Variants in DIAPH2 observed in about 807,000 individuals in gnomAD.
DIAPH2 encodes protein diaphanous homolog 2.
In DIAPH2, 35 loss-of-function variants were observed where a neutral mutation model predicts 92.7. The observed-to-expected ratio is 0.38, with a 90% CI of 0.29 to 0.50. DIAPH2 has a LOEUF of 0.50. Among genes scored for constraint, DIAPH2 ranks in the 20% least tolerant of loss-of-function variants. The probability of loss-of-function intolerance (pLI) is 0.94; values close to 1 mark genes in which losing one functional copy is unlikely to be tolerated. For missense variants in DIAPH2, 701 were observed against 819.5 expected (o/e 0.86, Z 1.77); for synonymous variants, 301 against 280.4 (o/e 1.07, Z -0.73).
At chrX:97,159,813 A>G (rs376672303) in intron 22 of DIAPH2, among the ~76,000 whole-genome samples, 1 of 112,206 alleles carries the variant, frequency 8.9e-6, no homozygotes, top group South Asian at 3.7e-4. Context: ...AGTAAAGAAT[A>G]AAATAAATTA....
At chrX:97,221,314 G>A (rs766592767) in intron 22 of DIAPH2, among the ~76,000 whole-genome samples, 86 of 111,880 alleles carry the variant, frequency 7.7e-4, no homozygotes, top group Non-Finnish European at 1.0e-3. Flanking sequence ...AAGCAAAAAC[G>A]TATTGTGTTA....
At chrX:96,699,640 A>G (rs572939374) in intron 1 of DIAPH2, among the ~76,000 whole-genome samples, 2 of 112,166 alleles carry the variant, frequency 1.8e-5, no homozygotes, top group South Asian at 7.5e-4. Context: ...AACTTTTTGT[A>G]TATTTAGTGT....
chrX:97,596,536 A>C (rs769221875), intron 26 of DIAPH2, among the ~76,000 whole-genome samples: 9 of 111,927 alleles, frequency 8.0e-5, no homozygotes, highest in Non-Finnish European at 1.7e-4. Context: ...TAGAAAAGTG[A>C]ATTGGATTCA....
rs1389702281 is a variant in DIAPH2 at position 97,396,450 on chromosome X, TC to T, written c.3145+12407del. Reference sequence around the variant, plus strand: ...ACTTTGGGAGGCTGAGGCGGGCAGATCATCTGAGGTCAGGAGTTCGAGACCA... The same window carrying T: ...ACTTTGGGAGGCTGAGGCGGGCAGATATCTGAGGTCAGGAGTTCGAGACCA... On this transcript the variant is annotated intron_variant, in intron 25 of 26. Coordinates refer to ENST00000324765, the MANE Select transcript of DIAPH2 (RefSeq NM_006729.5). Among the ~76,000 whole-genome samples, 119 of 110,494 alleles carry T rather than the reference TC, an allele frequency of 1.1e-3. 1 individual carries two copies. Among genetic ancestry groups the T allele is most frequent in the African/African-American group, 3.1e-3 (95 of 30,358 alleles).
At chrX:96,734,878 T>C in intron 1 of DIAPH2, among the ~76,000 whole-genome samples, 1 of 110,682 alleles carries the variant, frequency 9.0e-6, no homozygotes, top group East Asian at 2.8e-4. Flanking sequence ...CATGACCAAG[T>C]TGATATACAT....
intron 4 of DIAPH2, among the ~76,000 whole-genome samples, chrX:96,806,996 C>T (rs2064633175): frequency 1.8e-5 from 2 of 112,053 alleles, no homozygotes; most frequent in Admixed American, 9.4e-5. Context: ...CCCGCCTCAG[C>T]CTCCTGAAGT....
intron 5 of DIAPH2, among the ~76,000 whole-genome samples, chrX:96,886,184 CTT>C (rs2065260641): frequency 1.8e-5 from 2 of 109,666 alleles, no homozygotes; most frequent in Non-Finnish European, 3.8e-5. Flanking sequence ...TTATGTGAGA[CTT>C]TTAAATAATT....
At chrX:96,775,389 G>A (rs944340102) in intron 4 of DIAPH2, among the ~76,000 whole-genome samples, 2 of 103,247 alleles carry the variant, frequency 1.9e-5, no homozygotes, top group African/African-American at 3.4e-5. Context: ...GTGTGTGTGT[G>A]TGTATACTTC....
intron 22 of DIAPH2, among the ~76,000 whole-genome samples, chrX:97,211,446 G>A (rs2067839702): frequency 9.0e-6 from 1 of 111,516 alleles, no homozygotes; most frequent in African/African-American, 3.3e-5. Flanking sequence ...GGTATAGGCG[G>A]GAGGTGGAGA....
intron 4 of DIAPH2, among the ~76,000 whole-genome samples, chrX:96,866,215 A>G (rs1388634027): frequency 9.0e-6 from 1 of 111,658 alleles, no homozygotes; most frequent in Admixed American, 9.6e-5. Context: ...GAATGTTCAT[A>G]TTCCTCTCAA....
chrX:96,892,318 G>A (rs761090419), intron 5 of DIAPH2, among the ~76,000 whole-genome samples: 2 of 111,719 alleles, frequency 1.8e-5, no homozygotes, highest in East Asian at 2.8e-4. Context: ...CATTATGTGC[G>A]GTATTACTAA....
intron 26 of DIAPH2, among the ~76,000 whole-genome samples, chrX:97,524,076 T>G (rs1237694712): frequency 9.0e-6 from 1 of 111,600 alleles, no homozygotes; most frequent in Non-Finnish European, 1.9e-5. Context: ...TTACCATACT[T>G]TGTTTTCTGA....
chrX:97,302,230 A>AG, intron 23 of DIAPH2, among the ~76,000 whole-genome samples: 1 of 97,741 alleles, frequency 1.0e-5, no homozygotes, highest in South Asian at 5.3e-4. Flanking sequence ...AAAAAAAAAA[A>AG]AAAGTATTGG....
chrX:97,391,415 C>G (rs1025836121), intron 25 of DIAPH2, among the ~76,000 whole-genome samples: 64 of 111,238 alleles, frequency 5.8e-4, no homozygotes, highest in Admixed American at 5.7e-4. Context: ...TCTTCTCTTC[C>G]ACCGAAAGAG....
At chrX:96,924,214 G>C (rs919288272) in intron 9 of DIAPH2, among the ~76,000 whole-genome samples, 1 of 111,974 alleles carries the variant, frequency 8.9e-6, no homozygotes, top group African/African-American at 3.2e-5. Flanking sequence ...CATTTATAAA[G>C]TGTTGAATGA....
At chrX:97,359,594 T>TA (rs1184814840) in intron 24 of DIAPH2, among the ~76,000 whole-genome samples, 1 of 97,943 alleles carries the variant, frequency 1.0e-5, no homozygotes, top group Non-Finnish European at 2.1e-5. Context: ...TTTTTTTTTT[T>TA]ATGATACAGA....
chrX:97,595,110 T>G (rs1353603699), intron 26 of DIAPH2, among the ~76,000 whole-genome samples: 1 of 112,262 alleles, frequency 8.9e-6, no homozygotes, highest in Non-Finnish European at 1.9e-5. Context: ...GTTTAAGCTT[T>G]ATCTGTATTG....
rs200157443 is a variant in DIAPH2 at position 96,758,171 on chromosome X, C to T, written c.360C>T (p.Asn120=). 54 of 1,202,032 alleles carry T rather than the reference C, an allele frequency of 4.5e-5. No individual in the cohort carries two copies. Among genetic ancestry groups the T allele is most frequent in the Admixed American group, 2.3e-4 (10 of 44,415 alleles). The change falls in exon 4 of 27, where the codon AAC becomes AAT. Residue 120 remains asparagine (N), a synonymous_variant. Transcript: ENST00000324765. ...FEKMMEDMNL[N]EEKKAPLRNK... The stretch of plus-strand genomic sequence containing the variant: ...TCTTACAGGAGGACATGAACCTTAA[C>T]GAAGAGAAAAAAGCTCCTTTACGAA...
At chrX:97,294,815 T>G (rs1259265127) in intron 23 of DIAPH2, among the ~76,000 whole-genome samples, 1 of 112,083 alleles carries the variant, frequency 8.9e-6, no homozygotes, top group East Asian at 2.8e-4. Flanking sequence ...TGACATTACA[T>G]TTGTGTTTTC....
Sources: allele counts gnomAD v4.1 joint callset (sites outside exome capture counted in the v4.1 genomes callset), GRCh38; gene constraint gnomAD v4.1.1; transcripts MANE v1.5; gene names NCBI Gene and HGNC (gene_info 2026-07-23, HGNC 2026-07-21).